TTLL12: variants seen among roughly 807,000 people sequenced by gnomAD.
The protein encoded by TTLL12 is tubulin tyrosine ligase like 12.
TTLL12 carries 77 observed loss-of-function variants against 79.6 expected under a neutral mutation model. The observed-to-expected ratio is 0.97, with a 90% CI of 0.81 to 1.17. The LOEUF is 1.17. Ranked by LOEUF, TTLL12 falls within the 50% of genes most tolerant of loss-of-function variation. The probability of loss-of-function intolerance (pLI) is 0.00; values close to 1 mark genes in which losing one functional copy is unlikely to be tolerated. For synonymous variants in TTLL12, 437 were observed against 376.1 expected, an observed-to-expected ratio of 1.16 and a Z score of -1.87; for missense variants, 969 against 895.9, an observed-to-expected ratio of 1.08 and a Z score of -1.04.
At chr22:43,174,067 G>C (rs1931835639) in intron 8 of TTLL12, 142 bp downstream of exon 8, 2 of 1,198,094 alleles carry the variant, frequency 1.7e-6, no homozygotes, top group Non-Finnish European at 2.3e-6. Flanking sequence ...GGTCCGTGAA[G>C]ACGGCCGTGA....
rs137913482 is a variant in TTLL12 at position 43,174,316 on chromosome 22, G to A, written c.1122C>T (p.Ile374=). Residue 374 remains isoleucine (I), a synonymous_variant, in exon 8 of 14, where the codon ATC becomes ATT. Coordinates refer to ENST00000216129, the MANE Select transcript of TTLL12 (RefSeq NM_015140.4). ...CCTCGGGGCCACCTGCCCGGCGCGC[G>A]ATGGAGGCCAGGCAGTCCTTGACAG... is the stretch of plus-strand genomic sequence containing the variant. ...LLTVKDCLAS[I]ARRAGGPEGP... The A allele has an allele frequency of 3.5e-4, 562 of 1,610,570 alleles. 4 individuals carry two copies. The East Asian group carries it at 0.012, about 34-fold the overall frequency.
At position 43,176,316 on chromosome 22, in the gene TTLL12, G is replaced by C; in HGVS notation, c.917+4C>G. On this transcript the variant is annotated splice_donor_region_variant and intron_variant, in intron 6 of 13. Coordinates refer to ENST00000216129, the MANE Select transcript of TTLL12 (RefSeq NM_015140.4). ...AGCCCAAGCAGTGGGGGGGGGCTAC[G>C]CACTTGAAGATGTGGCCGTGGGGGT... is the stretch of plus-strand genomic sequence containing the variant. 1 of 1,584,076 alleles carries C rather than the reference G, an allele frequency of 6.3e-7. No homozygotes were observed. Among genetic ancestry groups the C allele is most frequent in the African/African-American group, 1.3e-5 (1 of 74,818 alleles).
intron 3 of TTLL12, 100 bp from the exon 4 acceptor site, chr22:43,180,100 C>T: frequency 7.1e-7 from 1 of 1,416,684 alleles, no homozygotes; most frequent in Non-Finnish European, 9.5e-7. Context: ...AGCCATTTCT[C>T]TGATCTTGGA....
chr22:43,168,805 G>T lies in TTLL12; in HGVS notation c.1752C>A (p.Asp584Glu). ...GGCCGTTGTCCCACTTCAGCATGAGGTCGACGGCATACATGGCCCGGGATG... is the reference window on the plus strand; with the variant it reads ...GGCCGTTGTCCCACTTCAGCATGAGTTCGACGGCATACATGGCCCGGGATG... ...YPSSRAMYAVDLMLKWDNGPD... is the reference protein window; with the variant it reads ...YPSSRAMYAVELMLKWDNGPD... Residue 584 changes from aspartate to glutamate, a missense_variant, in exon 13 of 14, where the codon GAC (aspartate) becomes GAA (glutamate). By Grantham distance (45) the Asp-to-Glu change is conservative (BLOSUM62 2). Transcript: ENST00000216129. 6.4e-7 allele frequency: 1 copy of T among 1,574,030 alleles called. No individual in the cohort carries two copies. The highest frequency in any genetic ancestry group is 1.3e-5 in the African/African-American group (1 of 74,094).
At chr22:43,182,342 G>A (rs1601776177) in intron 2 of TTLL12, among the ~76,000 whole-genome samples, 1 of 152,228 alleles carries the variant, frequency 6.6e-6, no homozygotes, top group African/African-American at 2.4e-5. Flanking sequence ...CCAGCTGGAG[G>A]AGGAGGCGGG....
At chr22:43,170,789 C>G (rs993867199) in intron 11 of TTLL12, among the ~76,000 whole-genome samples, 3 of 152,106 alleles carry the variant, frequency 2.0e-5, no homozygotes, top group Non-Finnish European at 4.4e-5. Flanking sequence ...GGCACGTGCC[C>G]GTAGTCCCAG....
Position 43,173,812 on chromosome 22 carries a change from T to G in TTLL12, c.1244A>C (p.His415Pro). 6.2e-7 allele frequency: 1 copy of G among 1,603,802 alleles called. No homozygotes were observed. The highest frequency in any genetic ancestry group is 1.1e-5 in the South Asian group (1 of 91,024). Residue 415 changes from histidine (H) to proline (P), a missense_variant, in exon 9 of 14, where the codon CAC becomes CCC. Transcript: ENST00000216129. ...CAGGTTCCAGGGCTTGCAGATCCAG[T>G]GGTTGTCCTCGCCCCTGGGGAGCAG... ...QQRERWGEDN[H>P]WICKPWNLAR... is the part of the protein sequence containing the mutation.
chr22:43,167,213 G>A lies in TTLL12; in HGVS notation c.*795C>T, dbSNP rs759746243. On this transcript the variant is annotated 3_prime_UTR_variant, in exon 14 of 14. Coordinates refer to ENST00000216129, the MANE Select transcript of TTLL12 (RefSeq NM_015140.4). ...GCCCCAGCCCCAGGCGCCCCTTGCC[G>A]AAGGATCCTGGCCCATCTCACACAA... is the stretch of plus-strand genomic sequence containing the variant. The A allele has an allele frequency of 3.2e-5, 17 of 531,490 alleles. No homozygotes were observed. The highest frequency in any genetic ancestry group is 1.1e-4 in the East Asian group (2 of 18,350). The allele number at this position is 531,490 out of a possible 1,614,324, so 32.9% of individuals were successfully genotyped here.
chr22:43,178,703 A>C (rs969926282), intron 5 of TTLL12, among the ~76,000 whole-genome samples: 2 of 152,198 alleles, frequency 1.3e-5, no homozygotes, highest in African/African-American at 4.8e-5. Flanking sequence ...CCTGGTGTGC[A>C]AAAAGGATGA....
chr22:43,175,839 A>ATTTTTTTTTTT (rs753447234), intron 6 of TTLL12, among the ~76,000 whole-genome samples: 4 of 128,376 alleles, frequency 3.1e-5, no homozygotes, highest in Non-Finnish European at 4.9e-5. Context: ...TGCCCTACTA[A>ATTTTTTTTTTT]TTTTTTTTTT....
intron 5 of TTLL12, among the ~76,000 whole-genome samples, chr22:43,177,454 T>C (rs923992999): frequency 3.3e-5 from 5 of 152,128 alleles, no homozygotes; most frequent in African/African-American, 1.2e-4. Flanking sequence ...CATCCATCTC[T>C]GAGGGTGGGA....
rs1305023149 is a variant in TTLL12, at chr22:43,186,963, C to T, written c.107G>A (p.Gly36Asp). 1.5e-6 allele frequency: 2 copies of T among 1,324,822 alleles called. No homozygotes were observed. Among genetic ancestry groups the T allele is most frequent in the Non-Finnish European group, 1.9e-6 (2 of 1,033,238 alleles). The allele number at this position is 1,324,822 out of a possible 1,614,324, so 82.1% of individuals were successfully genotyped here. A position where few individuals can be genotyped will look rare whatever the true frequency, so the allele number is the denominator to read the frequency against. Residue 36 changes from glycine to aspartate, a missense_variant, in exon 1 of 14, where the codon GGC becomes GAC. Gly to Asp is a moderately conservative substitution (Grantham distance 94). Transcript: ENST00000216129. The part of the protein sequence containing the change: ...QALAEFAALH[G>D]PALRASGVPE... ...GACCCCCGAAGCGCGCAGCGCCGGGCCGTGCAGCGCCGCGAACTCGGCCAA... is the reference window on the plus strand; with the variant it reads ...GACCCCCGAAGCGCGCAGCGCCGGGTCGTGCAGCGCCGCGAACTCGGCCAA...
chr22:43,177,497 A>C (rs976083540), intron 5 of TTLL12, among the ~76,000 whole-genome samples: 1 of 152,208 alleles, frequency 6.6e-6, no homozygotes, highest in Non-Finnish European at 1.5e-5. Context: ...ATGAGCAGGA[A>C]AAAGGTGGAA....
intron 5 of TTLL12, among the ~76,000 whole-genome samples, chr22:43,177,296 G>A (rs1008841087): frequency 6.6e-6 from 1 of 151,990 alleles, no homozygotes; most frequent in Admixed American, 6.6e-5. Flanking sequence ...CTGAGCCCAG[G>A]AATTGGAAAT....
Position 43,169,538 on chromosome 22 carries a change from C to G in TTLL12, c.1606G>C (p.Glu536Gln), listed in dbSNP as rs1931709465. The change falls in exon 12 of 14, where the codon GAG (glutamate) becomes CAG (glutamine). Residue 536 changes from glutamate (E) to glutamine (Q), a missense_variant. By Grantham distance (29) the Glu-to-Gln change is conservative (BLOSUM62 2). Transcript: ENST00000216129. Reference sequence around the variant, plus strand: ...CAGGGAAATTCTGGGTATTGCTTCTCAAACTCGGGGATGAACTCTTCACAG... The same window carrying G: ...CAGGGAAATTCTGGGTATTGCTTCTGAAACTCGGGGATGAACTCTTCACAG... Reference protein sequence around the residue: ...VHCEEFIPEFEKQYPEFPWTD... With the variant: ...VHCEEFIPEFQKQYPEFPWTD... 6.2e-7 allele frequency: 1 copy of G among 1,609,668 alleles called. No individual in the cohort carries two copies. The highest frequency in any genetic ancestry group is 1.1e-5 in the South Asian group (1 of 90,772).
intron 2 of TTLL12, 118 bp from the exon 3 acceptor site, chr22:43,181,058 C>T (rs1477273483): frequency 1.2e-5 from 14 of 1,169,500 alleles, no homozygotes; most frequent in Non-Finnish European, 1.7e-5. Flanking sequence ...TAGATTTGGT[C>T]TACTGGGTGC....
At chr22:43,183,184 G>A (rs370328770) in intron 1 of TTLL12, 35 bp from the exon 2 acceptor site, 248 of 1,609,376 alleles carry the variant, frequency 1.5e-4, no homozygotes, top group Non-Finnish European at 2.1e-4. Flanking sequence ...AGGGGTGTGG[G>A]CAGGAGACCC....
chr22:43,186,315 G>A (rs998128089), intron 1 of TTLL12, among the ~76,000 whole-genome samples: 6 of 152,148 alleles, frequency 3.9e-5, no homozygotes, highest in African/African-American at 1.4e-4. Flanking sequence ...AGGTGAGCCG[G>A]ATGGGCCGTC....
chr22:43,173,482 TAA>T lies in TTLL12; in HGVS notation c.1341+231_1341+232del, dbSNP rs1204245567. Among the ~76,000 whole-genome samples, 5 of 152,290 alleles carry T rather than the reference TAA, an allele frequency of 3.3e-5. No homozygotes were observed. In the East Asian group the frequency reaches 9.6e-4, roughly 29 times the overall value. ...TGTGCCAACATGCCCAGATAATTTT[TAA>T]AGTTTTTTCCCTTGTAGAAACGAGG... On this transcript the variant is annotated intron_variant, in intron 9 of 13. Transcript: ENST00000216129.
Sources: gnomAD v4.1 joint callset for allele counts (sites outside exome capture counted in the v4.1 genomes callset) on GRCh38, gnomAD v4.1.1 for gene constraint, MANE v1.5 for transcripts, NCBI Gene and HGNC (gene_info 2026-07-23, HGNC 2026-07-21) for gene names.